The following LAIR2 variants were observed in gnomAD, a reference collection of about 807,000 sequenced individuals.
The protein encoded by LAIR2 is leukocyte associated immunoglobulin like receptor 2.
In LAIR2, 14 loss-of-function variants were observed where a neutral mutation model predicts 14.8. The observed-to-expected ratio is 0.95, with a 90% CI of 0.62 to 1.48. The LOEUF is 1.48. Ranked by LOEUF, LAIR2 falls within the 40% of genes most tolerant of loss-of-function variation. The probability of loss-of-function intolerance (pLI) is 0.00; values close to 1 mark genes in which losing one functional copy is unlikely to be tolerated. For synonymous variants in LAIR2, 75 were observed against 74.5 expected (o/e 1.01, Z -0.03); for missense variants, 172 against 180.9 (o/e 0.95, Z 0.28).
At chr19:54,503,811 A>C in intron 2 of LAIR2, 76 bp downstream of exon 2, 1 of 1,593,490 alleles carries the variant, frequency 6.3e-7, no homozygotes, top group Non-Finnish European at 8.6e-7. Context: ...AGTGATGTTG[A>C]TTCTTAGAGG....
rs975700852 is a variant in LAIR2, at chr19:54,507,786, C to T, written c.71-105C>T. 5.3e-6 allele frequency: 6 copies of T among 1,131,800 alleles called. No individual in the cohort carries two copies. The African/African-American group carries it at 9.3e-5, about 18-fold the overall frequency. The allele number at this position is 1,131,800 out of a possible 1,614,324, so 70.1% of individuals were successfully genotyped here. On this transcript the variant is annotated intron_variant, in intron 2 of 4. Coordinates refer to ENST00000301202, the MANE Select transcript of LAIR2 (RefSeq NM_002288.6). ...TTGGGCTGTGGTCGTGGCTGCATAA[C>T]TCTATAAAATTGCTAAAATCCCTGA...
In LAIR2 at chr19:54,508,108, C is replaced by T. The variant is rs763733970; in HGVS notation, c.288C>T (p.Ala96=). 1.5e-5 allele frequency: 24 copies of T among 1,614,048 alleles called. No individual in the cohort carries two copies. Among genetic ancestry groups the T allele is most frequent in the East Asian group, 6.7e-5 (3 of 44,900 alleles). The change falls in exon 3 of 5, where the codon GCC becomes GCT. Residue 96 remains alanine, a synonymous_variant. Transcript: ENST00000301202. ...FHIDSVSEGN[A]GLYRCLYYKP... ...TTGACTCAGTAAGTGAAGGAAATGC[C>T]GGGCTTTATCGCTGCCTCTATTATA...
rs1207588020 is a variant in LAIR2 at position 54,503,800 on chromosome 19, G to C, written c.70+65G>C. On this transcript the variant is annotated intron_variant, in intron 2 of 4. Transcript: ENST00000301202. ...TCACCCCAAAGGCAGTGCTGGGTGG[G>C]AGTGATGTTGATTCTTAGAGGGCCT... 5.6e-6 allele frequency: 9 copies of C among 1,605,544 alleles called. No individual in the cohort carries two copies. In the East Asian group the frequency reaches 6.7e-5, roughly 12 times the overall value.
At chr19:54,505,182 A>C (rs1171566829) in intron 2 of LAIR2, among the ~76,000 whole-genome samples, 1 of 152,062 alleles carries the variant, frequency 6.6e-6, no homozygotes, top group African/African-American at 2.4e-5. Flanking sequence ...ACCTCCACAC[A>C]CCGATTTCCA....
rs554122245 is a variant in LAIR2, at chr19:54,504,910, G to A, written c.70+1175G>A. On this transcript the variant is annotated intron_variant, in intron 2 of 4. Transcript: ENST00000301202. ...CAGGTATGAGCCACTGCACCCGGCCGAGATGAACTTTTTTAGATTCCACAT... is the reference window on the plus strand; with the variant it reads ...CAGGTATGAGCCACTGCACCCGGCCAAGATGAACTTTTTTAGATTCCACAT... Among the ~76,000 whole-genome samples the A allele has an allele frequency of 2.6e-5, 4 of 152,222 alleles. No homozygotes were observed. The South Asian group carries it at 6.2e-4, about 24-fold the overall frequency.
At chr19:54,503,795 G>T in intron 2 of LAIR2, 60 bp downstream of exon 2, 1 of 1,611,128 alleles carries the variant, frequency 6.2e-7, no homozygotes. Flanking sequence ...GGCAGTGCTG[G>T]GTGGGAGTGA....
intron 1 of LAIR2, among the ~76,000 whole-genome samples, chr19:54,503,374 C>G (rs1436982308): frequency 3.3e-5 from 5 of 151,984 alleles, no homozygotes; most frequent in Admixed American, 1.3e-4. Flanking sequence ...AGGAGAATTG[C>G]TTGAACCCGG....
intron 4 of LAIR2, among the ~76,000 whole-genome samples, chr19:54,510,085 G>C (rs2085442194): frequency 6.9e-6 from 1 of 145,294 alleles, no homozygotes; most frequent in African/African-American, 2.6e-5. Context: ...TGGGCTGCTG[G>C]GGCACAGCGG....
In LAIR2 at chr19:54,508,066, A is replaced by C; in HGVS notation, c.246A>C (p.Ser82=). 1 of 1,614,216 alleles carries C rather than the reference A, an allele frequency of 6.2e-7. No homozygotes were observed. Among genetic ancestry groups the C allele is most frequent in the South Asian group, 1.1e-5 (1 of 91,088 alleles). ...YNVFRLGPSE[S]EARFHIDSVS... is the part of the protein sequence containing the mutation. ...TGTTTCGACTTGGTCCATCTGAGTC[A>C]GAGGCCAGATTCCACATTGACTCAG... Residue 82 remains serine (S), a synonymous_variant, in exon 3 of 5, where the codon TCA becomes TCC. Coordinates refer to ENST00000301202, the MANE Select transcript of LAIR2 (RefSeq NM_002288.6).
At chr19:54,508,815 T>C (rs1376922017) in intron 3 of LAIR2, among the ~76,000 whole-genome samples, 3 of 152,260 alleles carry the variant, frequency 2.0e-5, no homozygotes, top group Admixed American at 6.5e-5. Context: ...CAAGAAGAGC[T>C]TGTGGTGGGA....
At chr19:54,509,776 C>A (rs1490816460) in intron 4 of LAIR2, among the ~76,000 whole-genome samples, 1 of 151,668 alleles carries the variant, frequency 6.6e-6, no homozygotes, top group Non-Finnish European at 1.5e-5. Context: ...GCCTCTGGCT[C>A]TGCCCCTGGA....
intron 2 of LAIR2, among the ~76,000 whole-genome samples, chr19:54,507,608 C>T: frequency 6.6e-6 from 1 of 152,146 alleles, no homozygotes; most frequent in Admixed American, 6.5e-5. Flanking sequence ...GCATGAAGGG[C>T]TCCAGGCTGC....
Position 54,508,040 on chromosome 19 carries a change from G to A in LAIR2, c.220G>A (p.Val74Met). The A allele has an allele frequency of 6.2e-7, 1 of 1,614,200 alleles. No homozygotes were observed. Among genetic ancestry groups the A allele is most frequent in the African/African-American group, 1.3e-5 (1 of 75,048 alleles). ...AGCCAAGTACAAAGATAGTTATAAT[G>A]TGTTTCGACTTGGTCCATCTGAGTC... ...DRAKYKDSYN[V>M]FRLGPSESEA... The change falls in exon 3 of 5, where the codon GTG (valine) becomes ATG (methionine). Residue 74 changes from valine to methionine, a missense_variant. Val to Met is a conservative substitution (Grantham distance 21). Transcript: ENST00000301202.
intron 3 of LAIR2, 124 bp downstream of exon 3, chr19:54,508,308 C>A: frequency 2.2e-6 from 2 of 901,002 alleles, no homozygotes; most frequent in South Asian, 1.6e-5. Context: ...TTCCTGACCC[C>A]AAGCCCTCCC....
intron 2 of LAIR2, among the ~76,000 whole-genome samples, chr19:54,504,675 T>C (rs891497566): frequency 4.6e-5 from 7 of 152,130 alleles, no homozygotes; most frequent in African/African-American, 1.7e-4. Flanking sequence ...AATGGCACAA[T>C]CTCGGTTCAC....
Position 54,503,702 on chromosome 19 carries a change from C to T in LAIR2, c.37C>T (p.Leu13Phe). The T allele has an allele frequency of 6.2e-7, 1 of 1,614,022 alleles. No homozygotes were observed. Among genetic ancestry groups the T allele is most frequent in the Non-Finnish European group, 8.5e-7 (1 of 1,179,956 alleles). Residue 13 changes from leucine (L) to phenylalanine (F), a missense_variant and splice_region_variant, in exon 2 of 5, where the codon CTC (leucine) becomes TTC (phenylalanine). Physicochemically the swap from Leu to Phe is conservative, Grantham distance 22. Coordinates refer to ENST00000301202, the MANE Select transcript of LAIR2 (RefSeq NM_002288.6). ...TCTCACTGGGGCTTCTCTTCCAGTG[C>T]TCTGCCTGGCCCAGACCATCCACAC... The part of the protein sequence containing the change: ...PHLTALLGLV[L>F]CLAQTIHTQE...
At chr19:54,503,629 C>A in intron 1 of LAIR2, 71 bp from the exon 2 acceptor site, 1 of 1,602,924 alleles carries the variant, frequency 6.2e-7, no homozygotes, top group Non-Finnish European at 8.5e-7. Context: ...CTCCGTCAAG[C>A]CCCCTTTTGA....
At chr19:54,504,758 T>C (rs571347853) in intron 2 of LAIR2, among the ~76,000 whole-genome samples, 46 of 152,188 alleles carry the variant, frequency 3.0e-4, no homozygotes, top group African/African-American at 1.0e-3. Context: ...TACAGGTGCA[T>C]GCCACCACGC....
intron 4 of LAIR2, among the ~76,000 whole-genome samples, chr19:54,509,738 C>A (rs558726246): frequency 1.5e-4 from 22 of 151,360 alleles, no homozygotes; most frequent in African/African-American, 5.3e-4. Flanking sequence ...TCTGGCTCTG[C>A]CCTGGACTCT....
Sources: gnomAD v4.1 joint callset for allele counts (sites outside exome capture counted in the v4.1 genomes callset) on GRCh38, gnomAD v4.1.1 for gene constraint, MANE v1.5 for transcripts, NCBI Gene and HGNC (gene_info 2026-07-23, HGNC 2026-07-21) for gene names.